The following GPC6 variants were observed in gnomAD, a reference collection of about 807,000 sequenced individuals.
GPC6 encodes glypican 6.
GPC6 carries 14 observed loss-of-function variants against 55.2 expected under a neutral mutation model. The ratio of observed to expected loss-of-function variants is 0.25; its 90% CI spans 0.17 to 0.40. The LOEUF is 0.40. GPC6 is among the 10% of genes least tolerant of loss of function. The probability of loss-of-function intolerance (pLI) is 1.00; values close to 1 mark genes in which losing one functional copy is unlikely to be tolerated. For synonymous variants in GPC6, 278 were observed against 259.6 expected (o/e 1.07, Z -0.68); for missense variants, 641 against 708.5 (o/e 0.90, Z 1.08).
chr13:93,793,700 G>A (rs1261137822), intron 2 of GPC6, among the ~76,000 whole-genome samples: 12 of 152,052 alleles, frequency 7.9e-5, no homozygotes, highest in Non-Finnish European at 1.5e-4. Context: ...TGAAGATGAC[G>A]GAGAAGTCTG....
chr13:93,448,942 G>A (rs533664146), intron 1 of GPC6, among the ~76,000 whole-genome samples: 1 of 151,708 alleles, frequency 6.6e-6, no homozygotes, highest in South Asian at 2.1e-4. Context: ...TCTTTATTAA[G>A]TGAACATTTA....
At chr13:93,758,109 CA>C (rs1431679767) in intron 2 of GPC6, among the ~76,000 whole-genome samples, 3 of 152,176 alleles carry the variant, frequency 2.0e-5, no homozygotes, top group African/African-American at 4.8e-5. Context: ...AGTGCAACCA[CA>C]TTAACTGAAT....
chr13:93,339,696 G>T (rs981466478), intron 1 of GPC6, among the ~76,000 whole-genome samples: 1 of 152,174 alleles, frequency 6.6e-6, no homozygotes, highest in Non-Finnish European at 1.5e-5. Flanking sequence ...ACTCATGCTT[G>T]TTTGTATTGC....
chr13:93,346,040 G>T (rs78577114), intron 1 of GPC6, among the ~76,000 whole-genome samples: 2,461 of 152,260 alleles, frequency 0.016, 73 homozygotes, highest in African/African-American at 0.056. Flanking sequence ...TGGACTACTT[G>T]ATTAAGAAAG....
chr13:93,759,799 G>A (rs974589298), intron 2 of GPC6, among the ~76,000 whole-genome samples: 5 of 151,978 alleles, frequency 3.3e-5, no homozygotes, highest in African/African-American at 1.2e-4. Flanking sequence ...AAATTCCATT[G>A]TGGCAGAAAG....
chr13:93,353,751 C>A (rs1423004577), intron 1 of GPC6, among the ~76,000 whole-genome samples: 1 of 152,160 alleles, frequency 6.6e-6, no homozygotes, highest in African/African-American at 2.4e-5. Flanking sequence ...GTAAGTTGGG[C>A]GGAAATCCTT....
At chr13:93,224,466 T>C (rs1198150441), upstream of GPC6, among the ~76,000 whole-genome samples, 1 of 152,210 alleles carries the variant, frequency 6.6e-6, no homozygotes, top group Non-Finnish European at 1.5e-5. Flanking sequence ...AGTGCTGGGA[T>C]TATAGGCATG....
chr13:93,849,948 T>A (rs1004888260), intron 3 of GPC6, among the ~76,000 whole-genome samples: 9 of 152,110 alleles, frequency 5.9e-5, no homozygotes, highest in Admixed American at 2.0e-4. Context: ...TTTTGTAAAG[T>A]GCTCACATTG....
intron 2 of GPC6, among the ~76,000 whole-genome samples, chr13:93,773,830 A>G (rs1345906477): frequency 6.6e-6 from 1 of 152,222 alleles, no homozygotes; most frequent in Non-Finnish European, 1.5e-5. Flanking sequence ...CATCAGATTC[A>G]TCAAAAAGGA....
intron 1 of GPC6, among the ~76,000 whole-genome samples, chr13:93,272,492 GTATATATATATA>G (rs61556173): frequency 3.6e-5 from 5 of 137,168 alleles, no homozygotes; most frequent in African/African-American, 1.1e-4. Flanking sequence ...TTGTCTGTGT[GTATATATATATA>G]TATATATATA....
chr13:94,225,550 T>C (rs975015581), intron 4 of GPC6, among the ~76,000 whole-genome samples: 1 of 152,090 alleles, frequency 6.6e-6, no homozygotes, highest in Admixed American at 6.6e-5. Context: ...ATCCACGCAG[T>C]GTTTAATAAT....
chr13:93,315,903 T>A (rs568430408), intron 1 of GPC6, among the ~76,000 whole-genome samples: 5 of 151,954 alleles, frequency 3.3e-5, no homozygotes, highest in African/African-American at 1.2e-4. Flanking sequence ...GGACAAAGAG[T>A]CTGTTTTCTG....
At chr13:93,490,514 G>GTTTTTTTTTTTTTTGTTT (rs796098096) in intron 1 of GPC6, among the ~76,000 whole-genome samples, 1 of 35,320 alleles carries the variant, frequency 2.8e-5, no homozygotes, top group Non-Finnish European at 4.9e-5. Flanking sequence ...TTTTTTTTGA[G>GTTTTTTTTTTTTTTGTTT]TTTTTTTTTT....
At chr13:94,378,620 G>T (rs1415524529) in intron 6 of GPC6, among the ~76,000 whole-genome samples, 16 of 152,116 alleles carry the variant, frequency 1.1e-4, no homozygotes, top group Non-Finnish European at 2.9e-5. Context: ...ATCAGAATCA[G>T]CTCCAGATAA....
chr13:93,334,974 A>G (rs1879995070), intron 1 of GPC6, among the ~76,000 whole-genome samples: 1 of 152,218 alleles, frequency 6.6e-6, no homozygotes, highest in Non-Finnish European at 1.5e-5. Context: ...TTGACACCTC[A>G]AATAAATATA....
chr13:93,330,542 T>C (rs1385701378), intron 1 of GPC6, among the ~76,000 whole-genome samples: 1 of 152,000 alleles, frequency 6.6e-6, no homozygotes, highest in East Asian at 1.9e-4. Flanking sequence ...AAAAAATGCT[T>C]TTGCAGATTT....
intron 1 of GPC6, among the ~76,000 whole-genome samples, chr13:93,482,237 C>T (rs895907366): frequency 6.6e-6 from 1 of 151,998 alleles, no homozygotes; most frequent in African/African-American, 2.4e-5. Flanking sequence ...GAATTAACAG[C>T]CTTGCTAAAC....
intron 5 of GPC6, among the ~76,000 whole-genome samples, chr13:94,288,736 C>CAAATATATATATAATATATATAAT (rs1175716890): frequency 9.2e-6 from 1 of 108,572 alleles, no homozygotes; most frequent in East Asian, 2.9e-4. Context: ...ATATATATAA[C>CAAATATATATATAATATATATAAT]AAATATATAT....
intron 4 of GPC6, among the ~76,000 whole-genome samples, chr13:94,039,784 A>C (rs913964638): frequency 1.3e-5 from 2 of 151,866 alleles, no homozygotes; most frequent in Non-Finnish European, 2.9e-5. Flanking sequence ...GGCTCCATAC[A>C]GATGGCCTGC....
Sources: allele counts gnomAD v4.1 joint callset (sites outside exome capture counted in the v4.1 genomes callset), GRCh38; gene constraint gnomAD v4.1.1; transcripts MANE v1.5; gene names NCBI Gene and HGNC (gene_info 2026-07-23, HGNC 2026-07-21).